The following SEC62 variants were observed in gnomAD, a reference collection of about 807,000 sequenced individuals.
SEC62 encodes translocation protein SEC62.
In SEC62, 10 loss-of-function variants were observed where a neutral mutation model predicts 47.5. The ratio of observed to expected loss-of-function variants is 0.21; its 90% CI spans 0.13 to 0.36. The LOEUF is 0.36. SEC62 is among the 10% of genes least tolerant of loss of function. The pLI, the probability that SEC62 is intolerant of heterozygous loss-of-function variation, is 1.00. For synonymous variants in SEC62, 136 were observed against 150.5 expected (o/e 0.90, Z 0.71); for missense variants, 327 against 464.1 (o/e 0.70, Z 2.71).
chr3:169,986,542 TAAAAA>T (rs371649409), intron 6 of SEC62, among the ~76,000 whole-genome samples: 16 of 151,696 alleles, frequency 1.1e-4, no homozygotes, highest in African/African-American at 2.7e-4. Flanking sequence ...CTAGAATAGA[TAAAAA>T]AAGAAAAGAA....
intron 1 of SEC62, among the ~76,000 whole-genome samples, chr3:169,969,840 C>T (rs984150754): frequency 6.6e-6 from 1 of 152,182 alleles, no homozygotes. Flanking sequence ...CAGTATTCTG[C>T]TTAATGTCCA....
In SEC62 at chr3:169,975,385, A is replaced by T. The variant is rs568149360; in HGVS notation, c.37-223A>T. On this transcript the variant is annotated intron_variant, in intron 1 of 7. Transcript: ENST00000337002. ...AAATGCCTCATAGTTGAAGCCAAGA[A>T]GCAGACAGGCTTTGCCTCTATCAAC... is the stretch of plus-strand genomic sequence containing the variant. The T allele has an allele frequency of 3.0e-5, 11 of 369,740 alleles. No homozygotes were observed. In the South Asian group the frequency reaches 3.8e-4, roughly 13 times the overall value. The allele number at this position is 369,740 out of a possible 1,614,324, so 22.9% of individuals were successfully genotyped here. A position where few individuals can be genotyped will look rare whatever the true frequency, so the allele number is the denominator to read the frequency against.
Position 169,992,818 on chromosome 3 carries a change from G to A in SEC62, c.955G>A (p.Glu319Lys), listed in dbSNP as rs1715277903. Residue 319 changes from glutamate to lysine, a missense_variant, in exon 8 of 8, where the codon GAA becomes AAA. This residue lies in a region of SEC62 where 102 missense variants were observed against 108.8 expected (regional missense o/e 0.94). Transcript: ENST00000337002. This position sits in a 1 kb window ranked among gnomAD's most constrained non-coding sequence, Gnocchi z 4.0. Reference sequence around the variant, plus strand: ...GGAAAAGTCAGACAGTGAGAAAAAGGAAGATGAGGAGGGGAAAGTAGGACC... The same window carrying A: ...GGAAAAGTCAGACAGTGAGAAAAAGAAAGATGAGGAGGGGAAAGTAGGACC... ...SEEKSDSEKK[E>K]DEEGKVGPGN... 2 of 1,614,086 alleles carry A rather than the reference G, an allele frequency of 1.2e-6. No individual in the cohort carries two copies. The highest frequency in any genetic ancestry group is 1.7e-5 in the Admixed American group (1 of 59,994).
Position 169,983,168 on chromosome 3 carries a change from C to T in SEC62, c.464C>T (p.Thr155Ile), listed in dbSNP as rs1036600710. Residue 155 changes from threonine (T) to isoleucine (I), a missense_variant, in exon 5 of 8, where the codon ACT becomes ATT. Thr to Ile is a moderately conservative substitution (Grantham distance 89). Around this residue, in one of 3 missense-constraint regions of SEC62, gnomAD observed 99 missense variants for 194.0 expected, o/e 0.51. Transcript: ENST00000337002. ...CAACTTGTGTTTTCATAGGAGGAAA[C>T]TCCAGGAACTCCTAAAAAGAAGGAA... ...GEKEESKKEE[T>I]PGTPKKKETK... 2.5e-6 allele frequency: 4 copies of T among 1,609,080 alleles called. No homozygotes were observed. The African/African-American group carries it at 5.4e-5, about 22-fold the overall frequency.
At chr3:169,971,727 T>C (rs116792846) in intron 1 of SEC62, among the ~76,000 whole-genome samples, 206 of 152,328 alleles carry the variant, frequency 1.4e-3, no homozygotes, top group African/African-American at 4.8e-3. Flanking sequence ...TGTAATCAGC[T>C]TCTCAATTTT....
At chr3:169,978,795 A>C (rs1339857700) in intron 3 of SEC62, among the ~76,000 whole-genome samples, 2 of 152,176 alleles carry the variant, frequency 1.3e-5, no homozygotes, top group Non-Finnish European at 1.5e-5. Flanking sequence ...ATGTTGTGTA[A>C]AAATTAAGAG....
intron 3 of SEC62, 152 bp from the exon 4 acceptor site, chr3:169,982,555 G>A (rs535450419): frequency 1.2e-5 from 10 of 843,928 alleles, no homozygotes; most frequent in African/African-American, 1.2e-4. Context: ...TAGTGGTAGA[G>A]TTGACTACTT....
intron 3 of SEC62, among the ~76,000 whole-genome samples, chr3:169,977,358 T>C (rs910257530): frequency 9.2e-5 from 14 of 152,164 alleles, no homozygotes; most frequent in Non-Finnish European, 1.8e-4. Context: ...TAGAGCAAAT[T>C]GGTTGAGGAG....
intron 3 of SEC62, 103 bp from the exon 4 acceptor site, chr3:169,982,604 T>C (rs1158179488): frequency 1.4e-6 from 2 of 1,383,724 alleles, no homozygotes; most frequent in South Asian, 2.3e-5. Flanking sequence ...CTTGTGTTGC[T>C]AATTTATGCC....
In SEC62 at chr3:169,996,402, C is replaced by A. The variant is rs911072230; in HGVS notation, c.*3339C>A. Reference sequence around the variant, plus strand: ...TTCACTCAGTAATACTGAGCACTTACCATGTACCAGAATTTTACTAGGCAC... The same window carrying A: ...TTCACTCAGTAATACTGAGCACTTAACATGTACCAGAATTTTACTAGGCAC... On this transcript the variant is annotated 3_prime_UTR_variant, in exon 8 of 8. Coordinates refer to ENST00000337002, the MANE Select transcript of SEC62 (RefSeq NM_003262.4). The A allele has an allele frequency of 6.6e-6, 1 of 152,610 alleles. No individual in the cohort carries two copies. Among genetic ancestry groups the A allele is most frequent in the Non-Finnish European group, 1.5e-5 (1 of 68,032 alleles). 9.5% of individuals were successfully genotyped at this position (152,610 alleles called of 1,614,324 possible).
chr3:169,968,779 T>C (rs1576854044), intron 1 of SEC62, among the ~76,000 whole-genome samples: 1 of 152,204 alleles, frequency 6.6e-6, no homozygotes, highest in Admixed American at 6.5e-5. Context: ...TTGGGAGTTA[T>C]GTAGAGTATA....
chr3:169,984,117 A>G (rs1408177877), intron 5 of SEC62, among the ~76,000 whole-genome samples: 1 of 152,176 alleles, frequency 6.6e-6, no homozygotes, highest in East Asian at 1.9e-4. Context: ...TTATACCTAT[A>G]CAATAGTAAC....
intron 6 of SEC62, among the ~76,000 whole-genome samples, chr3:169,987,669 T>C (rs1385079120): frequency 2.6e-5 from 4 of 152,194 alleles, no homozygotes; most frequent in Non-Finnish European, 5.9e-5. Flanking sequence ...TTCTAATTTC[T>C]TATAATTCTT....
intron 7 of SEC62, among the ~76,000 whole-genome samples, chr3:169,988,643 A>G (rs1715164423): frequency 6.6e-6 from 1 of 152,152 alleles, no homozygotes; most frequent in African/African-American, 2.4e-5. Context: ...GTTTTGGTGT[A>G]TGTGTACAAT....
At chr3:169,980,382 C>G (rs1714941519) in intron 3 of SEC62, among the ~76,000 whole-genome samples, 1 of 151,438 alleles carries the variant, frequency 6.6e-6, no homozygotes, top group Non-Finnish European at 1.5e-5. Flanking sequence ...GTAATGTGTT[C>G]TATGTCATGG....
intron 6 of SEC62, 113 bp downstream of exon 6, chr3:169,985,978 A>T (rs935105804): frequency 1.8e-4 from 111 of 632,750 alleles, no homozygotes; most frequent in Non-Finnish European, 2.5e-4. Context: ...TTGTCATTTT[A>T]AAAATACTTT....
chr3:169,975,391 C>CAGG, intron 1 of SEC62: 1 of 362,092 alleles, frequency 2.8e-6, no homozygotes, highest in Non-Finnish European at 5.1e-6. Flanking sequence ...AAGAAGCAGA[C>CAGG]AGGCTTTGCC....
At chr3:169,975,810 A>G in intron 2 of SEC62, 94 bp downstream of exon 2, 13 of 757,902 alleles carry the variant, frequency 1.7e-5, no homozygotes, top group Non-Finnish European at 2.7e-5. Context: ...TGCTTTCCAA[A>G]TGTGATTGTT....
At chr3:169,975,832 C>T in intron 2 of SEC62, 116 bp downstream of exon 2, 1 of 590,092 alleles carries the variant, frequency 1.7e-6, no homozygotes. Flanking sequence ...TGGTGATGGA[C>T]ATATGGCAGT....
Sources: gnomAD v4.1 joint callset for allele counts (sites outside exome capture counted in the v4.1 genomes callset) on GRCh38, gnomAD v4.1.1 for gene constraint, gnomAD v4.1.1 regional missense constraint, Gnocchi (gnomAD v3.1) non-coding constraint, MANE v1.5 for transcripts, NCBI Gene and HGNC (gene_info 2026-07-23, HGNC 2026-07-21) for gene names.